NAV2: variants seen among roughly 807,000 people sequenced by gnomAD.
NAV2 encodes the protein helicase, APC down-regulated 1.
In NAV2, 54 loss-of-function variants were observed where a neutral mutation model predicts 223.2. That is an observed-to-expected ratio of 0.24 (90% CI 0.19 to 0.30). NAV2 has a LOEUF of 0.30. Among genes scored for constraint, NAV2 ranks in the 10% least tolerant of loss-of-function variants. The probability of loss-of-function intolerance (pLI) is 1.00; values close to 1 mark genes in which losing one functional copy is unlikely to be tolerated. For missense variants in NAV2, 2,806 were observed against 3,147.5 expected, an observed-to-expected ratio of 0.89 and a Z score of 2.60; for synonymous variants, 1,279 against 1,239.3, an observed-to-expected ratio of 1.03 and a Z score of -0.67.
intron 6 of NAV2, among the ~76,000 whole-genome samples, chr11:19,932,257 A>G (rs4757016): frequency 6.4e-4 from 64 of 100,028 alleles, no homozygotes; most frequent in Middle Eastern, 6.0e-3. Flanking sequence ...AAAAAAAAAA[A>G]AAAGAAAGAA....
intron 6 of NAV2, among the ~76,000 whole-genome samples, chr11:19,904,468 A>G (rs958359301): frequency 1.3e-5 from 2 of 152,152 alleles, no homozygotes; most frequent in African/African-American, 2.4e-5. Context: ...TAGAAACTTA[A>G]TTCTCTGGAC....
At chr11:19,600,110 G>C (rs76594803) in intron 1 of NAV2, among the ~76,000 whole-genome samples, 2,191 of 152,310 alleles carry the variant, frequency 0.014, 61 homozygotes, top group African/African-American at 0.05. Flanking sequence ...ATAATGGGCA[G>C]CTGGGCTCAA....
rs201669772 is a variant in NAV2 at position 19,385,753 on chromosome 11, C to CTTTTTTTTTTTTTTTTTTTTTT, written c.75+34731_75+34752dup. Among the ~76,000 whole-genome samples, 10 of 112,776 alleles carry CTTTTTTTTTTTTTTTTTTTTTT rather than the reference C, an allele frequency of 8.9e-5. 2 individuals are homozygous for CTTTTTTTTTTTTTTTTTTTTTT. The highest frequency in any genetic ancestry group is 2.3e-4 in the African/African-American group (6 of 26,452). 74.0% of individuals were successfully genotyped at this position (112,776 alleles called of 152,430 possible). A position where few individuals can be genotyped will look rare whatever the true frequency, so the allele number is the denominator to read the frequency against. On this transcript the variant is annotated intron_variant, in intron 1 of 37. Coordinates refer to the NAV2 transcript ENST00000360655. ...CTCAACTGCTTTTTCAATATAGCTC[C>CTTTTTTTTTTTTTTTTTTTTTT]TTTTTTTTTTTTTTTTTTTTTTTTT...
rs74808317 is a variant in NAV2 at position 19,670,346 on chromosome 11, T to G, written c.76-162138T>G. On this transcript the variant is annotated intron_variant, in intron 1 of 37. Coordinates refer to the NAV2 transcript ENST00000360655. ...CAGCCTTGTTGGATTTCCTAGGAAC[T>G]CCACAAGGAAAAGGCCAAGCCACTC... Among the ~76,000 whole-genome samples, 235 of 152,228 alleles carry G rather than the reference T, an allele frequency of 1.5e-3. 7 individuals carry two copies. The East Asian group carries it at 0.042, about 27-fold the overall frequency.
intron 1 of NAV2, among the ~76,000 whole-genome samples, chr11:19,645,895 C>T (rs1344292432): frequency 6.6e-6 from 1 of 152,146 alleles, no homozygotes; most frequent in Non-Finnish European, 1.5e-5. Flanking sequence ...AGTGACTCTT[C>T]CAAAGTCACC....
chr11:19,502,302 G>T (rs1306716449), intron 1 of NAV2, among the ~76,000 whole-genome samples: 1 of 152,154 alleles, frequency 6.6e-6, no homozygotes, highest in Non-Finnish European at 1.5e-5. Flanking sequence ...ATAATTTAGA[G>T]ATTATAATTG....
At position 19,953,249 on chromosome 11, in the gene NAV2, C is replaced by T. The variant is rs901836570; in HGVS notation, c.2645+4169C>T. Among the ~76,000 whole-genome samples, 3 of 152,056 alleles carry T rather than the reference C, an allele frequency of 2.0e-5. No homozygotes were observed. In the South Asian group the frequency reaches 6.2e-4, roughly 31 times the overall value. On this transcript the variant is annotated intron_variant, in intron 10 of 37. Transcript: ENST00000349880. ...TTAAATATAACATCAGAAGTTTCTC[C>T]CTCTCAGAACCTTTGATGGCTTCCC...
chr11:19,522,804 A>G (rs560482637), intron 1 of NAV2, among the ~76,000 whole-genome samples: 1 of 152,360 alleles, frequency 6.6e-6, no homozygotes, highest in Non-Finnish European at 1.5e-5. Flanking sequence ...GTCTGTTCTT[A>G]AGAATTGTCA....
chr11:19,439,144 A>C (rs928463268), intron 1 of NAV2, among the ~76,000 whole-genome samples: 1 of 152,164 alleles, frequency 6.6e-6, no homozygotes, highest in Non-Finnish European at 1.5e-5. Flanking sequence ...GCTTGTATGA[A>C]TAGCAAAAGA....
Position 19,976,090 on chromosome 11 carries a change from T to G in NAV2, c.2646-8035T>G, listed in dbSNP as rs549262621. On this transcript the variant is annotated intron_variant, in intron 10 of 37. Coordinates refer to ENST00000349880, the MANE Select transcript of NAV2 (RefSeq NM_145117.5). ...CAGAAAGATCTTGATGAGAAATAAA[T>G]ATACGTAGAAGCACTTGCGTTTTCA... Among the ~76,000 whole-genome samples, 5 of 152,262 alleles carry G rather than the reference T, an allele frequency of 3.3e-5. No homozygotes were observed. In the East Asian group the frequency reaches 9.6e-4, roughly 29 times the overall value.
At chr11:19,947,239 T>C (rs1298998461) in intron 9 of NAV2, among the ~76,000 whole-genome samples, 1 of 152,216 alleles carries the variant, frequency 6.6e-6, no homozygotes, top group Non-Finnish European at 1.5e-5. Flanking sequence ...TTTTGGAAGA[T>C]TGGGGTTAAC....
chr11:19,427,053 CG>C (rs77089778), intron 1 of NAV2, among the ~76,000 whole-genome samples: 19,534 of 152,024 alleles, frequency 0.13, 1,603 homozygotes, highest in East Asian at 0.26. Context: ...AGCAGCTGAC[CG>C]GGACACTCTT....
chr11:19,921,095 T>C (rs762588085), intron 6 of NAV2, among the ~76,000 whole-genome samples: 5 of 152,214 alleles, frequency 3.3e-5, no homozygotes, highest in Non-Finnish European at 5.9e-5. Context: ...AGAAGACAAC[T>C]GTCAGGTGAA....
At chr11:19,897,886 T>TATATATATATATATATATATATATATATA (rs1555129987) in intron 6 of NAV2, among the ~76,000 whole-genome samples, 12 of 120,670 alleles carry the variant, frequency 9.9e-5, no homozygotes, top group African/African-American at 3.0e-4. Context: ...GACCTGTGAT[T>TATATATATATATATATATATATATATATA]TATATATATA....
chr11:20,034,556 A>C (rs7131400), intron 11 of NAV2, among the ~76,000 whole-genome samples: 3 of 151,596 alleles, frequency 2.0e-5, no homozygotes, highest in Non-Finnish European at 2.9e-5. Context: ...ATTTTTGTGT[A>C]CTTTTAGTAG....
At chr11:20,096,661 A>G (rs974759196) in intron 30 of NAV2, among the ~76,000 whole-genome samples, 12 of 152,238 alleles carry the variant, frequency 7.9e-5, no homozygotes, top group Admixed American at 7.9e-4. Context: ...TTGCACCACC[A>G]TAATTACTTT....
At chr11:19,706,596 C>A (rs564614780) in intron 1 of NAV2, among the ~76,000 whole-genome samples, 2 of 152,274 alleles carry the variant, frequency 1.3e-5, no homozygotes, top group Admixed American at 6.5e-5. Context: ...AAGGACAATC[C>A]TCAGGTGAGA....
In NAV2 at chr11:19,713,473, C is replaced by T; in HGVS notation, c.-223C>T. 7.4e-7 allele frequency: 1 copy of T among 1,345,384 alleles called. No individual in the cohort carries two copies. Among genetic ancestry groups the T allele is most frequent in the Non-Finnish European group, 9.5e-7 (1 of 1,054,590 alleles). 83.3% of individuals were successfully genotyped at this position (1,345,384 alleles called of 1,614,324 possible). A position where few individuals can be genotyped will look rare whatever the true frequency, so the allele number is the denominator to read the frequency against. On this transcript the variant is annotated 5_prime_UTR_variant, in exon 1 of 38. Transcript: ENST00000349880. The surrounding 1 kb of genome is among the most constrained non-coding windows in gnomAD (Gnocchi z 7.2). ...GCAGCATCCGTCCAGGTGGGACCCGCTGAGCGCCGTGGCCAGTCCCCCATT... is the reference window on the plus strand; with the variant it reads ...GCAGCATCCGTCCAGGTGGGACCCGTTGAGCGCCGTGGCCAGTCCCCCATT...
intron 1 of NAV2, among the ~76,000 whole-genome samples, chr11:19,785,354 G>A (rs2057027787): frequency 6.6e-6 from 1 of 152,210 alleles, no homozygotes; most frequent in Admixed American, 6.5e-5. Context: ...TAAAGAGCGA[G>A]AAGAGAGAGC....
Sources: gnomAD v4.1 joint callset for allele counts (sites outside exome capture counted in the v4.1 genomes callset) on GRCh38, gnomAD v4.1.1 for gene constraint, Gnocchi (gnomAD v3.1) non-coding constraint, MANE v1.5 for transcripts, NCBI Gene and HGNC (gene_info 2026-07-23, HGNC 2026-07-21) for gene names.